Variants in RAB11FIP1 observed in about 807,000 individuals in gnomAD.
RAB11FIP1 encodes rab11 family-interacting protein 1.
A neutral mutation model predicts 83.1 loss-of-function variants in RAB11FIP1; 49 were observed. The observed-to-expected ratio is 0.59, with a 90% confidence interval of 0.47 to 0.75. The LOEUF is 0.75. RAB11FIP1 is among the 30% of genes least tolerant of loss of function. The pLI, the probability that RAB11FIP1 is intolerant of heterozygous loss-of-function variation, is 0.00. For missense variants in RAB11FIP1, 1,536 were observed against 1,598.7 expected, an observed-to-expected ratio of 0.96 and a Z score of 0.67; for synonymous variants, 670 against 656.0, an observed-to-expected ratio of 1.02 and a Z score of -0.33.
chr8:37,858,678 G>C lies in RAB11FIP1; in HGVS notation c.*4217C>G, dbSNP rs1238202259. The stretch of plus-strand genomic sequence containing the variant: ...ACCGGCTGCAAAGGAAAAGGGGGCA[G>C]CACGTTCCAACTCAGTTTCTCTGGC... On this transcript the variant is annotated 3_prime_UTR_variant, in exon 6 of 6. Coordinates refer to ENST00000330843, the MANE Select transcript of RAB11FIP1 (RefSeq NM_001002814.3). 6.6e-6 allele frequency: 1 copy of C among 152,286 alleles called. No homozygotes were observed. The highest frequency in any genetic ancestry group is 6.5e-5 in the Admixed American group (1 of 15,274). 9.4% of individuals were successfully genotyped at this position (152,286 alleles called of 1,614,324 possible). A position where few individuals can be genotyped will look rare whatever the true frequency, so the allele number is the denominator to read the frequency against.
In RAB11FIP1 at chr8:37,899,003, G is replaced by T. The variant is rs1343663858; in HGVS notation, c.371+68C>A. 1.0e-5 allele frequency: 14 copies of T among 1,391,454 alleles called. No homozygotes were observed. The Admixed American group carries it at 1.6e-4, about 16-fold the overall frequency. The allele number at this position is 1,391,454 out of a possible 1,614,324, so 86.2% of individuals were successfully genotyped here. ...CCGGCTTACTCTCGAAGGGTCCAGCGCCCAGACCGCCCTGCCGGAGGGGTC... is the reference window on the plus strand; with the variant it reads ...CCGGCTTACTCTCGAAGGGTCCAGCTCCCAGACCGCCCTGCCGGAGGGGTC... On this transcript the variant is annotated intron_variant, in intron 1 of 5. Transcript: ENST00000330843. The surrounding 1 kb of genome is among the most constrained non-coding windows in gnomAD (Gnocchi z 4.5).
intron 1 of RAB11FIP1, among the ~76,000 whole-genome samples, chr8:37,895,006 C>T (rs1807035318): frequency 6.8e-6 from 1 of 147,868 alleles, no homozygotes; most frequent in Non-Finnish European, 1.5e-5. Flanking sequence ...GATCCACCCA[C>T]CTTGGCCTCC....
In RAB11FIP1 at chr8:37,874,363, G is replaced by C. The variant is rs901330760; in HGVS notation, c.1622+152C>G. 2.5e-5 allele frequency: 16 copies of C among 650,592 alleles called. 1 individual carries two copies. In the Middle Eastern group the frequency reaches 1.2e-3, roughly 50 times the overall value. 40.3% of individuals were successfully genotyped at this position (650,592 alleles called of 1,614,324 possible). A position where few individuals can be genotyped will look rare whatever the true frequency, so the allele number is the denominator to read the frequency against. On this transcript the variant is annotated intron_variant, in intron 3 of 5. Coordinates refer to ENST00000330843, the MANE Select transcript of RAB11FIP1 (RefSeq NM_001002814.3). ...TACAGGGCAGGCCAGGCTGGCAGTA[G>C]GGACTGGTTAAAAAAATAATTTAGA...
At position 37,895,259 on chromosome 8, in the gene RAB11FIP1, A is replaced by AT. The variant is rs71216637; in HGVS notation, c.371+3811dup. On this transcript the variant is annotated intron_variant, in intron 1 of 5. Coordinates refer to ENST00000330843, the MANE Select transcript of RAB11FIP1 (RefSeq NM_001002814.3). ...TATATATATATATATATATATATATATTTTTTTTTTTTTTTTTTTTTTTTT... is the reference window on the plus strand; with the variant it reads ...TATATATATATATATATATATATATATTTTTTTTTTTTTTTTTTTTTTTTTT... 8.1e-4 allele frequency among the ~76,000 whole-genome samples: 6 copies of AT among 7,388 alleles called. 2 individuals carry two copies. The highest frequency in any genetic ancestry group is 1.8e-3 in the African/African-American group (3 of 1,676). 4.8% of individuals were successfully genotyped at this position (7,388 alleles called of 152,430 possible).
At chr8:37,883,813 A>G (rs546684196) in intron 1 of RAB11FIP1, among the ~76,000 whole-genome samples, 171 of 152,312 alleles carry the variant, frequency 1.1e-3, no homozygotes, top group Non-Finnish European at 2.0e-3. Flanking sequence ...AGCTTGAATT[A>G]TCTCAGAAAT....
intron 3 of RAB11FIP1, 41 bp downstream of exon 3, chr8:37,874,474 G>A (rs995176904): frequency 6.5e-7 from 1 of 1,538,974 alleles, no homozygotes; most frequent in South Asian, 1.1e-5. Flanking sequence ...ACCACCAATG[G>A]CAAGGCAGAA....
intron 4 of RAB11FIP1, 43 bp downstream of exon 4, chr8:37,871,235 G>GA: frequency 6.5e-7 from 1 of 1,546,198 alleles, no homozygotes; most frequent in Middle Eastern, 2.4e-4. Context: ...AGCAAAGGGG[G>GA]ACATTGCTCA....
intron 1 of RAB11FIP1, among the ~76,000 whole-genome samples, chr8:37,879,113 G>A (rs1272102472): frequency 6.6e-6 from 1 of 152,156 alleles, no homozygotes; most frequent in East Asian, 1.9e-4. Flanking sequence ...CTCAAGACCA[G>A]CCTGGCCAAC....
At chr8:37,863,606 A>G (rs1004420803) in intron 5 of RAB11FIP1, among the ~76,000 whole-genome samples, 1 of 152,190 alleles carries the variant, frequency 6.6e-6, no homozygotes, top group Admixed American at 6.5e-5. Context: ...AGTCTTCTGG[A>G]AAGGGCCAGA....
chr8:37,889,060 G>A (rs1806894614), intron 1 of RAB11FIP1, among the ~76,000 whole-genome samples: 1 of 151,828 alleles, frequency 6.6e-6, no homozygotes, highest in South Asian at 2.1e-4. Context: ...GCCTCGCAAA[G>A]TGCTGGGATT....
In RAB11FIP1 at chr8:37,872,138, G is replaced by A; in HGVS notation, c.2664C>T (p.Pro888=). The change falls in exon 4 of 6, where the codon CCC becomes CCT. Residue 888 remains proline (P), a synonymous_variant. Transcript: ENST00000330843. ...CTTCGGAGAAACTCTCCTCCTGGGAGGGGAGGAGGAGGTGATCCGCTGGGG... is the reference window on the plus strand; with the variant it reads ...CTTCGGAGAAACTCTCCTCCTGGGAAGGGAGGAGGAGGTGATCCGCTGGGG... The part of the protein sequence containing the change: ...PASPADHLLL[P]SQEESFSEVP... 2 of 1,613,948 alleles carry A rather than the reference G, an allele frequency of 1.2e-6. No individual in the cohort carries two copies. Among genetic ancestry groups the A allele is most frequent in the Non-Finnish European group, 1.7e-6 (2 of 1,179,902 alleles).
rs147841124 is a variant in RAB11FIP1, at chr8:37,858,759, G to A, written c.*4136C>T. The A allele has an allele frequency of 6.6e-6, 1 of 152,376 alleles. No individual in the cohort carries two copies. The highest frequency in any genetic ancestry group is 1.5e-5 in the Non-Finnish European group (1 of 68,074). The allele number at this position is 152,376 out of a possible 1,614,324, so 9.4% of individuals were successfully genotyped here. On this transcript the variant is annotated 3_prime_UTR_variant, in exon 6 of 6. Transcript: ENST00000330843. ...GGGTGCATCCGAAGGGACCAGACAT[G>A]TCCGTCCTCTTTGAGAAAAAGGGCC...
chr8:37,859,010 C>T lies in RAB11FIP1; in HGVS notation c.*3885G>A, dbSNP rs1421585417. ...GAAATGTTGGGTTACTTCTTAAAAA[C>T]GAAACCAAAGAAATTCAAAAGTCCC... is the stretch of plus-strand genomic sequence containing the variant. On this transcript the variant is annotated 3_prime_UTR_variant, in exon 6 of 6. Coordinates refer to ENST00000330843, the MANE Select transcript of RAB11FIP1 (RefSeq NM_001002814.3). 6 of 152,142 alleles carry T rather than the reference C, an allele frequency of 3.9e-5. No homozygotes were observed. Among genetic ancestry groups the T allele is most frequent in the African/African-American group, 1.2e-4 (5 of 41,500 alleles). The allele number at this position is 152,142 out of a possible 1,614,324, so 9.4% of individuals were successfully genotyped here.
At chr8:37,873,244 AC>A in intron 3 of RAB11FIP1, 65 bp from the exon 4 acceptor site, 1 of 1,485,138 alleles carries the variant, frequency 6.7e-7, no homozygotes, top group Non-Finnish European at 8.9e-7. Flanking sequence ...CAAAGAAAAT[AC>A]ACAAAAACAA....
intron 1 of RAB11FIP1, among the ~76,000 whole-genome samples, chr8:37,882,098 C>G (rs1379199253): frequency 6.6e-6 from 1 of 152,156 alleles, no homozygotes; most frequent in East Asian, 1.9e-4. Flanking sequence ...ACCTCCCCGC[C>G]CAGGGCAGGA....
In RAB11FIP1 at chr8:37,899,252, G is replaced by A; in HGVS notation, c.190C>T (p.Pro64Ser). ...AAGGTGGCCTCCTCGCGCCACACGG[G>A]CGCGCCCAGGCTGCGCTCCGACACG... ...TSVSERSLGA[P>S]VWREEATFEL... The change falls in exon 1 of 6, where the codon CCC becomes TCC. Residue 64 changes from proline (P) to serine (S), a missense_variant. Physicochemically the swap from Pro to Ser is moderately conservative, Grantham distance 74. Coordinates refer to ENST00000330843, the MANE Select transcript of RAB11FIP1 (RefSeq NM_001002814.3). The surrounding 1 kb of genome is among the most constrained non-coding windows in gnomAD (Gnocchi z 4.5). 1.2e-6 allele frequency: 2 copies of A among 1,601,902 alleles called. No homozygotes were observed. The highest frequency in any genetic ancestry group is 1.7e-5 in the Admixed American group (1 of 59,068).
Position 37,899,073 on chromosome 8 carries a change from C to A in RAB11FIP1, c.369G>T (p.Thr123=). Residue 123 remains threonine (T), a splice_region_variant and synonymous_variant, in exon 1 of 6, where the codon ACG becomes ACT. Coordinates refer to ENST00000330843, the MANE Select transcript of RAB11FIP1 (RefSeq NM_001002814.3). The surrounding 1 kb of genome is among the most constrained non-coding windows in gnomAD (Gnocchi z 4.5). ...CTCCCCTCCCCGCCCGCACTCACTG[C>A]GTCTTCCTGCGGCCCTGGTCGCGGT... The part of the protein sequence containing the change: ...DLHRDQGRRK[T]QWYKLKSKPG... 6.7e-7 allele frequency: 1 copy of A among 1,498,348 alleles called. No homozygotes were observed. The allele number at this position is 1,498,348 out of a possible 1,614,324, so 92.8% of individuals were successfully genotyped here.
In RAB11FIP1 at chr8:37,872,012, G is replaced by T; in HGVS notation, c.2790C>A (p.His930Gln). Residue 930 changes from histidine to glutamine, a missense_variant, in exon 4 of 6, where the codon CAC becomes CAA. Transcript: ENST00000330843. ...VTQYQSKASD[H>Q]EGLLSDPLSD... ...TCAAGGGGTCAGACAATAAACCTTC[G>T]TGGTCACTGGCTTTGCTCTGATACT... 6.2e-7 allele frequency: 1 copy of T among 1,614,108 alleles called. No homozygotes were observed. Among genetic ancestry groups the T allele is most frequent in the African/African-American group, 1.3e-5 (1 of 75,016 alleles).
At chr8:37,864,181 A>G (rs548655978) in intron 5 of RAB11FIP1, among the ~76,000 whole-genome samples, 27 of 152,366 alleles carry the variant, frequency 1.8e-4, no homozygotes, top group African/African-American at 6.3e-4. Context: ...GGCCTGTCCC[A>G]GAGCTGAGTG....
Sources: gnomAD v4.1 joint callset for allele counts (sites outside exome capture counted in the v4.1 genomes callset) on GRCh38, gnomAD v4.1.1 for gene constraint, Gnocchi (gnomAD v3.1) non-coding constraint, MANE v1.5 for transcripts, NCBI Gene and HGNC (gene_info 2026-07-23, HGNC 2026-07-21) for gene names.